Variants in GSAP observed in about 807,000 individuals in gnomAD.
GSAP encodes the protein gamma-secretase activating protein.
In GSAP, 118 loss-of-function variants were observed where a neutral mutation model predicts 131.7. The ratio of observed to expected loss-of-function variants is 0.90; its 90% confidence interval spans 0.77 to 1.04. GSAP has a LOEUF of 1.04. Ranked by LOEUF, GSAP falls within the 50% of genes least tolerant of loss-of-function variation. The probability of loss-of-function intolerance (pLI) is 0.00; values close to 1 mark genes in which losing one functional copy is unlikely to be tolerated. For missense variants in GSAP, 1,019 were observed against 1,013.2 expected, an observed-to-expected ratio of 1.01 and a Z score of -0.08; for synonymous variants, 381 against 363.4, an observed-to-expected ratio of 1.05 and a Z score of -0.55.
At chr7:77,386,264 T>C (rs1798550911) in intron 6 of GSAP, among the ~76,000 whole-genome samples, 1 of 152,196 alleles carries the variant, frequency 6.6e-6, no homozygotes, top group Admixed American at 6.5e-5. Context: ...ATAGTCCACT[T>C]TATACAATAA....
At chr7:77,334,580 T>TAAAAA (rs57442782) in intron 19 of GSAP, among the ~76,000 whole-genome samples, 4 of 81,950 alleles carry the variant, frequency 4.9e-5, no homozygotes, top group African/African-American at 1.5e-4. Flanking sequence ...ACTTAAAATT[T>TAAAAA]AAAAAAAAAA....
intron 19 of GSAP, among the ~76,000 whole-genome samples, chr7:77,344,900 CA>C (rs1443702944): frequency 6.6e-6 from 1 of 152,086 alleles, no homozygotes; most frequent in Non-Finnish European, 1.5e-5. Context: ...CTCTTTCCTC[CA>C]AAATCGCTGA....
intron 14 of GSAP, among the ~76,000 whole-genome samples, chr7:77,359,200 CA>C (rs545499994): frequency 2.3e-4 from 33 of 141,720 alleles, no homozygotes; most frequent in East Asian, 6.2e-4. Flanking sequence ...GATTCCATCT[CA>C]AAAAAAAAAA....
rs181378570 is a variant in GSAP at position 77,381,819 on chromosome 7, T to C, written c.527-465A>G. On this transcript the variant is annotated intron_variant, in intron 7 of 30. Coordinates refer to ENST00000257626, the MANE Select transcript of GSAP (RefSeq NM_017439.4). ...AGCATTTTAATAGAGGTCAATTTCA[T>C]GTGAACAAAACCCTGAACACTAAAG... Among the ~76,000 whole-genome samples the C allele has an allele frequency of 9.2e-5, 14 of 152,110 alleles. No homozygotes were observed. The East Asian group carries it at 2.7e-3, about 29-fold the overall frequency.
At chr7:77,326,961 G>A (rs1459931460) in intron 22 of GSAP, 1 of 152,132 alleles carries the variant, frequency 6.6e-6, no homozygotes, top group East Asian at 1.9e-4. Flanking sequence ...CCAGTGCCAG[G>A]CAAGAGGGCA....
chr7:77,383,927 T>C (rs1034303005), intron 6 of GSAP, among the ~76,000 whole-genome samples: 9 of 152,248 alleles, frequency 5.9e-5, no homozygotes, highest in Non-Finnish European at 1.3e-4. Context: ...AGTCAAATTT[T>C]GGAACATTTA....
In GSAP at chr7:77,374,140, T is replaced by C. The variant is rs751112317; in HGVS notation, c.801A>G (p.Gly267=). The C allele has an allele frequency of 2.4e-5, 37 of 1,574,030 alleles. No homozygotes were observed. The highest frequency in any genetic ancestry group is 9.6e-6 in the Non-Finnish European group (11 of 1,148,778). The change falls in exon 12 of 31, where the codon GGA becomes GGG. Residue 267 remains glycine (G), a synonymous_variant. Transcript: ENST00000257626. ...SNSGFKLVNF[G]CDYHQYRDKF... ...TATCTCGGTATTGATGATAATCACATCCAAAGTTGACAAGTCTAAGAACAT... is the reference window on the plus strand; with the variant it reads ...TATCTCGGTATTGATGATAATCACACCCAAAGTTGACAAGTCTAAGAACAT...
At chr7:77,392,323 G>A (rs1473891550) in intron 5 of GSAP, among the ~76,000 whole-genome samples, 2 of 151,832 alleles carry the variant, frequency 1.3e-5, no homozygotes, top group East Asian at 1.9e-4. Flanking sequence ...TGAGGTGGGC[G>A]GATTCCCTGA....
chr7:77,357,760 A>G (rs1008158158), intron 14 of GSAP, among the ~76,000 whole-genome samples: 9 of 152,216 alleles, frequency 5.9e-5, no homozygotes, highest in African/African-American at 1.9e-4. Flanking sequence ...CAAGGAACAA[A>G]TTCTTCCCTG....
chr7:77,329,372 G>A lies in GSAP; in HGVS notation c.1694C>T (p.Ser565Phe). Residue 565 changes from serine to phenylalanine, a missense_variant, in exon 21 of 31, where the codon TCT (serine) becomes TTT (phenylalanine). Ser to Phe is a radical substitution (Grantham distance 155, BLOSUM62 -2). Transcript: ENST00000257626. ...AAGAATATTCCTCACGTATGCCGCAGACCTTCTTTTTCCTGTTTTCTAGGA... is the reference window on the plus strand; with the variant it reads ...AAGAATATTCCTCACGTATGCCGCAAACCTTCTTTTTCCTGTTTTCTAGGA... ...ISEEKTGKRR[S>F]AAYVRNILDN... 2 of 1,585,462 alleles carry A rather than the reference G, an allele frequency of 1.3e-6. No homozygotes were observed. The highest frequency in any genetic ancestry group is 1.7e-6 in the Non-Finnish European group (2 of 1,163,812).
At chr7:77,409,250 G>A (rs1217476456) in intron 1 of GSAP, among the ~76,000 whole-genome samples, 2 of 152,158 alleles carry the variant, frequency 1.3e-5, no homozygotes, top group African/African-American at 4.8e-5. Flanking sequence ...GGGAGGCCAA[G>A]GTGGGAGGAT....
intron 14 of GSAP, among the ~76,000 whole-genome samples, chr7:77,356,536 G>C (rs1008937880): frequency 6.6e-6 from 1 of 152,120 alleles, no homozygotes; most frequent in Non-Finnish European, 1.5e-5. Flanking sequence ...AATCTCTGCA[G>C]ACACATTGAC....
intron 22 of GSAP, among the ~76,000 whole-genome samples, chr7:77,327,819 C>T (rs1346063043): frequency 1.3e-5 from 2 of 152,118 alleles, no homozygotes; most frequent in Non-Finnish European, 2.9e-5. Flanking sequence ...ACCTCCCTCC[C>T]TCCTCCAGCC....
intron 1 of GSAP, among the ~76,000 whole-genome samples, chr7:77,414,260 A>G (rs975569300): frequency 1.3e-5 from 2 of 152,262 alleles, no homozygotes. Context: ...ACATTTGAAA[A>G]GCCAGAACTT....
intron 1 of GSAP, among the ~76,000 whole-genome samples, chr7:77,408,689 C>CAAA (rs749202124): frequency 2.1e-3 from 141 of 66,952 alleles, no homozygotes; most frequent in Middle Eastern, 9.4e-3. Flanking sequence ...ACTCTGCCTC[C>CAAA]AAAAAAAAAA....
At chr7:77,415,968 C>G (rs1042720215) in intron 1 of GSAP, 34 of 393,884 alleles carry the variant, frequency 8.6e-5, no homozygotes, top group African/African-American at 7.1e-4. Flanking sequence ...TTCCGCGGGC[C>G]GGCAGCGAGC....
intron 20 of GSAP, chr7:77,329,997 C>T: frequency 3.2e-6 from 1 of 308,360 alleles, no homozygotes; most frequent in Non-Finnish European, 6.0e-6. Context: ...GGATATTAAT[C>T]ATACTTCTAC....
At chr7:77,394,907 C>T (rs1490590515) in intron 5 of GSAP, among the ~76,000 whole-genome samples, 8 of 152,174 alleles carry the variant, frequency 5.3e-5, no homozygotes, top group Non-Finnish European at 7.3e-5. Context: ...TCTCACTACA[C>T]CTAGGCAGAG....
chr7:77,323,608 G>T, intron 24 of GSAP, 39 bp downstream of exon 24: 1 of 982,432 alleles, frequency 1.0e-6, no homozygotes, highest in Non-Finnish European at 1.6e-6. Context: ...GGGGAGTGGG[G>T]TGAAGGGGCA....
Sources: allele counts gnomAD v4.1 joint callset (sites outside exome capture counted in the v4.1 genomes callset), GRCh38; gene constraint gnomAD v4.1.1; transcripts MANE v1.5; gene names NCBI Gene and HGNC (gene_info 2026-07-23, HGNC 2026-07-21).